TMEM108: variants seen among roughly 807,000 people sequenced by gnomAD.
TMEM108 encodes transmembrane protein 108.
TMEM108 carries 12 observed loss-of-function variants against 35.1 expected under a neutral mutation model. The observed-to-expected ratio is 0.34, with a 90% CI of 0.22 to 0.55. The LOEUF is 0.55. Ranked by LOEUF, TMEM108 falls within the 20% of genes least tolerant of loss-of-function variation. TMEM108 has a pLI of 0.89. For synonymous variants in TMEM108, 287 were observed against 308.6 expected, an observed-to-expected ratio of 0.93 and a Z score of 0.73; for missense variants, 680 against 753.3, an observed-to-expected ratio of 0.90 and a Z score of 1.14.
At chr3:133,235,743 C>T (rs1946226816) in intron 3 of TMEM108, among the ~76,000 whole-genome samples, 1 of 152,152 alleles carries the variant, frequency 6.6e-6, no homozygotes, top group African/African-American at 2.4e-5. Context: ...TTCTGGTTCA[C>T]AAAGCATTTT....
chr3:133,217,352 A>G (rs1174341398), intron 2 of TMEM108, among the ~76,000 whole-genome samples: 1 of 152,050 alleles, frequency 6.6e-6, no homozygotes, highest in Non-Finnish European at 1.5e-5. Context: ...ACAGTTTTCA[A>G]ATACATTTTC....
chr3:133,195,900 T>C (rs1449651459), intron 2 of TMEM108, among the ~76,000 whole-genome samples: 3 of 152,216 alleles, frequency 2.0e-5, no homozygotes, highest in Non-Finnish European at 4.4e-5. Context: ...TCTTTACCAA[T>C]GTTTCTTTAA....
intron 3 of TMEM108, among the ~76,000 whole-genome samples, chr3:133,288,936 A>G (rs941118465): frequency 2.0e-5 from 3 of 152,088 alleles, no homozygotes; most frequent in African/African-American, 4.8e-5. Flanking sequence ...GGGTTTCACC[A>G]TGTTGGCCAG....
At chr3:133,323,418 C>T (rs1425683186) in intron 3 of TMEM108, among the ~76,000 whole-genome samples, 2 of 152,100 alleles carry the variant, frequency 1.3e-5, no homozygotes, top group Non-Finnish European at 2.9e-5. Context: ...GAACTCACCC[C>T]TTTTACAACA....
intron 3 of TMEM108, among the ~76,000 whole-genome samples, chr3:133,239,011 C>T (rs1192935868): frequency 6.6e-6 from 1 of 152,146 alleles, no homozygotes; most frequent in Admixed American, 6.5e-5. Flanking sequence ...ACTGCTTGGT[C>T]ACAGCCTTCA....
At chr3:133,168,476 T>C (rs1945077645) in intron 2 of TMEM108, among the ~76,000 whole-genome samples, 2 of 152,088 alleles carry the variant, frequency 1.3e-5, no homozygotes, top group Admixed American at 6.5e-5. Context: ...GAGGTGAAGC[T>C]GGCTGGGCTT....
At chr3:133,237,098 T>C (rs1245403421) in intron 3 of TMEM108, among the ~76,000 whole-genome samples, 1 of 152,182 alleles carries the variant, frequency 6.6e-6, no homozygotes, top group African/African-American at 2.4e-5. Context: ...CGCATTTGTC[T>C]GTGTCTCTCA....
At chr3:133,384,232 C>G in intron 4 of TMEM108, among the ~76,000 whole-genome samples, 1 of 152,226 alleles carries the variant, frequency 6.6e-6, no homozygotes, top group Admixed American at 6.5e-5. Context: ...ATTTCAGGCA[C>G]TCTGAGTCAG....
intron 3 of TMEM108, among the ~76,000 whole-genome samples, chr3:133,274,121 C>A (rs75914505): frequency 0.017 from 2,532 of 152,300 alleles, 90 homozygotes; most frequent in African/African-American, 0.058. Flanking sequence ...ACAGGTAATG[C>A]TGCTCTCAAA....
intron 2 of TMEM108, among the ~76,000 whole-genome samples, chr3:133,168,255 G>T (rs574198293): frequency 1.8e-4 from 28 of 152,168 alleles, no homozygotes; most frequent in Non-Finnish European, 2.6e-4. Flanking sequence ...TTTACACACT[G>T]TAACAGAATA....
chr3:133,169,556 G>A (rs1945097584), intron 2 of TMEM108, among the ~76,000 whole-genome samples: 1 of 152,200 alleles, frequency 6.6e-6, no homozygotes. Flanking sequence ...TGTTGTGGAA[G>A]GAGATGCTGC....
Position 133,038,405 on chromosome 3 carries a change from C to T in TMEM108, c.-196C>T, listed in dbSNP as rs976776587. 1.3e-5 allele frequency: 2 copies of T among 152,278 alleles called. No individual in the cohort carries two copies. Among genetic ancestry groups the T allele is most frequent in the Admixed American group, 6.5e-5 (1 of 15,294 alleles). 9.4% of individuals were successfully genotyped at this position (152,278 alleles called of 1,614,324 possible). The stretch of plus-strand genomic sequence containing the variant: ...CGAGCGGTGGGGCTTTCTCCTGAGC[C>T]GTCGGAGGGAGCCGGAGCGCTTCTC... On this transcript the variant is annotated 5_prime_UTR_variant, in exon 1 of 6. Coordinates refer to ENST00000321871, the MANE Select transcript of TMEM108 (RefSeq NM_023943.4).
At chr3:133,176,584 A>C (rs1408523953) in intron 2 of TMEM108, among the ~76,000 whole-genome samples, 5 of 152,210 alleles carry the variant, frequency 3.3e-5, no homozygotes, top group Non-Finnish European at 7.3e-5. Context: ...ACATAACGAA[A>C]TGAAGGCAGA....
chr3:133,388,594 A>G (rs1372226134), intron 4 of TMEM108: 4 of 985,322 alleles, frequency 4.1e-6, no homozygotes, highest in Non-Finnish European at 4.8e-6. Context: ...TATGTTTTAA[A>G]GATTTTTTAA....
chr3:133,225,471 C>G (rs1448998726), intron 2 of TMEM108, among the ~76,000 whole-genome samples: 4 of 152,094 alleles, frequency 2.6e-5, no homozygotes, highest in Non-Finnish European at 4.4e-5. Flanking sequence ...ACCCCCCTCC[C>G]CCAAAGAAGA....
At chr3:133,229,462 A>G in intron 3 of TMEM108, 111 bp downstream of exon 3, 1 of 919,066 alleles carries the variant, frequency 1.1e-6, no homozygotes, top group East Asian at 2.7e-5. Context: ...GTGAAAGAGG[A>G]CAGTAAAGTT....
chr3:133,117,445 A>G (rs1326180090), intron 2 of TMEM108, among the ~76,000 whole-genome samples: 6 of 152,208 alleles, frequency 3.9e-5, no homozygotes. Context: ...GAAGACAACA[A>G]GTCTATCTAG....
intron 3 of TMEM108, among the ~76,000 whole-genome samples, chr3:133,236,089 T>C (rs1946232529): frequency 6.6e-6 from 1 of 152,164 alleles, no homozygotes; most frequent in South Asian, 2.1e-4. Context: ...TCAATATCTA[T>C]TCAAATCAGA....
chr3:133,057,343 T>TAAAATTTTTTG (rs1553727926), intron 2 of TMEM108, among the ~76,000 whole-genome samples: 80 of 150,336 alleles, frequency 5.3e-4, no homozygotes, highest in Non-Finnish European at 8.9e-4. Context: ...TAAATTTTTT[T>TAAAATTTTTTG]TCTACTCAAA....
Sources: gnomAD v4.1 joint callset for allele counts (sites outside exome capture counted in the v4.1 genomes callset) on GRCh38, gnomAD v4.1.1 for gene constraint, MANE v1.5 for transcripts, NCBI Gene and HGNC (gene_info 2026-07-23, HGNC 2026-07-21) for gene names.